Variants in CRISP2 observed in about 807,000 individuals in gnomAD.
The protein encoded by CRISP2 is cysteine rich secretory protein 2.
In CRISP2, 29 loss-of-function variants were observed where a neutral mutation model predicts 31.7. The ratio of observed to expected loss-of-function variants is 0.92; its 90% CI spans 0.68 to 1.25. CRISP2 has a LOEUF of 1.25. CRISP2 is among the 50% of genes most tolerant of loss of function. The pLI is 0.00. For synonymous variants in CRISP2, 111 were observed against 101.4 expected (o/e 1.09, Z -0.57); for missense variants, 318 against 286.5 (o/e 1.11, Z -0.79).
the CRISP2 span, among the ~76,000 whole-genome samples, chr6:49,682,587 T>TTCTTTC: frequency 2.5e-4 from 21 of 83,664 alleles, no homozygotes; most frequent in East Asian, 2.0e-3. Context: ...CTTTCTTTCT[T>TTCTTTC]TTTCTTTCTT....
At chr6:49,690,715 G>C (rs142005444), downstream of CRISP2, among the ~76,000 whole-genome samples, 2 of 151,910 alleles carry the variant, frequency 1.3e-5, no homozygotes, top group African/African-American at 4.8e-5. Flanking sequence ...GGACATTTTC[G>C]TTGGTTAAAA....
At chr6:49,689,706 T>C (rs941564662), downstream of CRISP2, among the ~76,000 whole-genome samples, 55 of 152,290 alleles carry the variant, frequency 3.6e-4, no homozygotes, top group African/African-American at 1.3e-3. Flanking sequence ...TTAAATATTT[T>C]CTAATGTTTT....
intron 5 of CRISP2, 116 bp downstream of exon 5, chr6:49,700,551 TA>T: frequency 1.4e-6 from 1 of 715,090 alleles, no homozygotes; most frequent in Non-Finnish European, 2.5e-6. Flanking sequence ...TCAAATAAAA[TA>T]ACAAAACAGA....
chr6:49,703,548 A>G (rs1766476881), intron 4 of CRISP2, among the ~76,000 whole-genome samples: 1 of 152,064 alleles, frequency 6.6e-6, no homozygotes, highest in South Asian at 2.1e-4. Context: ...TTGGTTAGGT[A>G]TACTCCAAAG....
At chr6:49,696,449 C>T (rs895657777) in intron 8 of CRISP2, among the ~76,000 whole-genome samples, 1 of 151,138 alleles carries the variant, frequency 6.6e-6, no homozygotes, top group African/African-American at 2.4e-5. Context: ...ATGGAGGTTG[C>T]GATTTTTCAG....
intron 4 of CRISP2, among the ~76,000 whole-genome samples, chr6:49,701,409 G>T (rs1561874887): frequency 6.7e-6 from 1 of 149,186 alleles, no homozygotes; most frequent in East Asian, 2.0e-4. Flanking sequence ...ACGTCACTTG[G>T]AATAATGGTC....
chr6:49,695,892 T>C lies in CRISP2; in HGVS notation c.548A>G (p.Tyr183Cys). 2 of 1,612,972 alleles carry C rather than the reference T, an allele frequency of 1.2e-6. No homozygotes were observed. The highest frequency in any genetic ancestry group is 1.7e-6 in the Non-Finnish European group (2 of 1,179,370). ...GNNMNRKNTPYQQGTPCAGCP... is the reference protein window; with the variant it reads ...GNNMNRKNTPCQQGTPCAGCP... Reference sequence around the variant, plus strand: ...ACCGGCACAAGGTGTTCCTTGTTGGTACGGGGTATTCTTTCTATTCATATT... The same window carrying C: ...ACCGGCACAAGGTGTTCCTTGTTGGCACGGGGTATTCTTTCTATTCATATT... Residue 183 changes from tyrosine to cysteine, a missense_variant, in exon 9 of 10, where the codon TAC (tyrosine) becomes TGC (cysteine). Tyr to Cys is a radical substitution (Grantham distance 194, BLOSUM62 -2). Transcript: ENST00000339139.
rs1766183322 is a variant in CRISP2, at chr6:49,702,180, T to TAAAA, written c.67-1397_67-1396insTTTT. ...ATATATATATATATATATATATATA[T>TAAAA]ATAACATTTTCTTTATCCACTCATT... On this transcript the variant is annotated intron_variant, in intron 4 of 9. Transcript: ENST00000339139. Among the ~76,000 whole-genome samples the TAAAA allele has an allele frequency of 2.0e-3, 252 of 125,032 alleles. 6 individuals are homozygous for TAAAA. Among genetic ancestry groups the TAAAA allele is most frequent in the African/African-American group, 7.1e-3 (242 of 33,892 alleles). The allele number at this position is 125,032 out of a possible 152,430, so 82.0% of individuals were successfully genotyped here.
intron 6 of CRISP2, among the ~76,000 whole-genome samples, chr6:49,699,554 A>T (rs984828729): frequency 6.6e-6 from 1 of 152,120 alleles, no homozygotes; most frequent in Admixed American, 6.6e-5. Context: ...AAAAAGAAAG[A>T]TGATATAAAA....
the CRISP2 span, among the ~76,000 whole-genome samples, chr6:49,686,384 T>C: frequency 3.3e-5 from 5 of 152,234 alleles, no homozygotes; most frequent in African/African-American, 4.8e-5. Flanking sequence ...AGCGAATTAA[T>C]GATCATTTCT....
intron 4 of CRISP2, 40 bp downstream of exon 4, chr6:49,709,091 T>C (rs1453938035): frequency 1.9e-6 from 3 of 1,576,260 alleles, no homozygotes; most frequent in Non-Finnish European, 2.6e-6. Context: ...ACCACAAAGT[T>C]GCTGGATAGC....
At chr6:49,700,476 A>G (rs1765474545) in intron 5 of CRISP2, among the ~76,000 whole-genome samples, 192 bp downstream of exon 5, 1 of 152,190 alleles carries the variant, frequency 6.6e-6, no homozygotes, top group Non-Finnish European at 1.5e-5. Context: ...AAAACTCTGT[A>G]TAATTGAGTT....
At chr6:49,706,880 C>A (rs964802632) in intron 4 of CRISP2, among the ~76,000 whole-genome samples, 1 of 152,040 alleles carries the variant, frequency 6.6e-6, no homozygotes, top group Non-Finnish European at 1.5e-5. Flanking sequence ...GCCACTGTAC[C>A]AATAAATATG....
At chr6:49,687,470 T>A (rs1002293303), downstream of CRISP2, among the ~76,000 whole-genome samples, 2 of 152,204 alleles carry the variant, frequency 1.3e-5, no homozygotes, top group Non-Finnish European at 2.9e-5. Flanking sequence ...ACTGGAAGCA[T>A]CACATTGAGC....
chr6:49,682,639 CTTTCTTCTTTCTTTCT>C, the CRISP2 span, among the ~76,000 whole-genome samples: 959 of 67,070 alleles, frequency 0.014, 6 homozygotes, highest in African/African-American at 0.044. Flanking sequence ...TTCTTTCTTT[CTTTCTTCTTTCTTTCT>C]TTTCTTTCTT....
In CRISP2 at chr6:49,697,848, C is replaced by G; in HGVS notation, c.515+12G>C. 1 of 1,609,460 alleles carries G rather than the reference C, an allele frequency of 6.2e-7. No individual in the cohort carries two copies. The highest frequency in any genetic ancestry group is 8.5e-7 in the Non-Finnish European group (1 of 1,176,286). On this transcript the variant is annotated intron_variant, in intron 8 of 9. Coordinates refer to ENST00000339139, the MANE Select transcript of CRISP2 (RefSeq NM_003296.4). ...AGAATTATTGCCATTAAACTCTAAA[C>G]AGTCTACTTACGCAGGACAATATTG... is the stretch of plus-strand genomic sequence containing the variant.
At chr6:49,690,191 A>T (rs908329064), downstream of CRISP2, among the ~76,000 whole-genome samples, 2 of 152,250 alleles carry the variant, frequency 1.3e-5, no homozygotes, top group South Asian at 4.1e-4. Flanking sequence ...AGACATCTCC[A>T]TTCATGTGGT....
intron 5 of CRISP2, among the ~76,000 whole-genome samples, chr6:49,700,143 A>G (rs952269745): frequency 1.3e-5 from 2 of 152,182 alleles, no homozygotes; most frequent in African/African-American, 4.8e-5. Context: ...AAGCAGCCAT[A>G]CCTAGGATAT....
At chr6:49,680,186 G>A in the CRISP2 span, among the ~76,000 whole-genome samples, 1 of 151,988 alleles carries the variant, frequency 6.6e-6, no homozygotes, top group Admixed American at 6.6e-5. Context: ...AGTGTGTGTT[G>A]TTCCCCTGTA....
Sources: gnomAD v4.1 joint callset for allele counts (sites outside exome capture counted in the v4.1 genomes callset) on GRCh38, gnomAD v4.1.1 for gene constraint, MANE v1.5 for transcripts, NCBI Gene and HGNC (gene_info 2026-07-23, HGNC 2026-07-21) for gene names.